The following VIPR2 variants were observed in gnomAD, a reference collection of about 807,000 sequenced individuals.
The protein encoded by VIPR2 is vasoactive intestinal polypeptide receptor 2.
A neutral mutation model predicts 58.0 loss-of-function variants in VIPR2; 48 were observed. That is an observed-to-expected ratio of 0.83 (90% CI 0.66 to 1.05). The LOEUF (loss-of-function observed/expected upper bound fraction) is 1.05, where lower values mean the gene tolerates loss of function less well. Among genes scored for constraint, VIPR2 ranks in the 50% least tolerant of loss-of-function variants. The pLI is 0.00. For missense variants in VIPR2, 534 were observed against 558.0 expected (o/e 0.96, Z 0.43); for synonymous variants, 243 against 235.2 (o/e 1.03, Z -0.30).
chr7:159,129,967 G>A (rs1284640520), intron 2 of VIPR2, among the ~76,000 whole-genome samples: 2 of 110,848 alleles, frequency 1.8e-5, no homozygotes, highest in African/African-American at 8.7e-5. Flanking sequence ...CTGGCCTCTG[G>A]CGGGGACAGG....
At chr7:159,106,669 G>C (rs1858682829) in intron 3 of VIPR2, among the ~76,000 whole-genome samples, 2 of 143,764 alleles carry the variant, frequency 1.4e-5, no homozygotes, top group African/African-American at 2.7e-5. Context: ...GGGAGGGGCA[G>C]AGAGGCCAGG....
intron 4 of VIPR2, chr7:159,059,142 A>T: frequency 2.3e-6 from 1 of 431,114 alleles, no homozygotes. Flanking sequence ...ATCTCCACGA[A>T]ATCATCAGGT....
intron 12 of VIPR2, among the ~76,000 whole-genome samples, 155 bp from the exon 13 acceptor site, chr7:159,030,944 C>T (rs1004152311): frequency 1.3e-5 from 2 of 152,218 alleles, no homozygotes; most frequent in Non-Finnish European, 2.9e-5. Flanking sequence ...GCCTTGGGGG[C>T]AGAGGCTGGA....
At chr7:159,083,512 C>T (rs1319820133) in intron 4 of VIPR2, among the ~76,000 whole-genome samples, 1 of 152,206 alleles carries the variant, frequency 6.6e-6, no homozygotes, top group African/African-American at 2.4e-5. Context: ...CCTGGAGTGA[C>T]CATAGCAGAG....
chr7:159,064,858 C>T (rs1032782122), intron 4 of VIPR2, among the ~76,000 whole-genome samples: 5 of 152,224 alleles, frequency 3.3e-5, no homozygotes, highest in Admixed American at 6.5e-5. Flanking sequence ...CCCGGGGTTC[C>T]ATGCCTGGCA....
intron 4 of VIPR2, among the ~76,000 whole-genome samples, chr7:159,092,990 C>T (rs1208313102): frequency 3.3e-5 from 5 of 152,172 alleles, no homozygotes; most frequent in African/African-American, 1.2e-4. Context: ...TGTGAGTGTG[C>T]AGCCTCTCCG....
At position 159,031,253 on chromosome 7, in the gene VIPR2, T is replaced by C. The variant is rs1853559147; in HGVS notation, c.1144-464A>G. Among the ~76,000 whole-genome samples the C allele has an allele frequency of 6.6e-6, 1 of 152,064 alleles. No homozygotes were observed. The highest frequency in any genetic ancestry group is 1.5e-5 in the Non-Finnish European group (1 of 68,002). The stretch of plus-strand genomic sequence containing the variant: ...ACAAGTGGCACTACTCGGGCTCAGC[T>C]TTGCAGAAGCCGTGCTGGTGAAAGC... On this transcript the variant is annotated intron_variant, in intron 12 of 12. Transcript: ENST00000262178. The surrounding 1 kb of genome is among the most constrained non-coding windows in gnomAD (Gnocchi z 4.0).
intron 2 of VIPR2, among the ~76,000 whole-genome samples, chr7:159,133,131 C>T (rs1325372841): frequency 6.6e-6 from 1 of 152,306 alleles, no homozygotes; most frequent in Non-Finnish European, 1.5e-5. Context: ...AACCAACTTC[C>T]TTACAAATTA....
chr7:159,144,664 CG>C, intron 1 of VIPR2, 56 bp downstream of exon 1: 1 of 1,367,792 alleles, frequency 7.3e-7, no homozygotes, highest in Non-Finnish European at 9.5e-7. Context: ...GCGCTCTTCT[CG>C]GAAGGGGAGA....
chr7:159,089,425 C>T (rs1474275336), intron 4 of VIPR2, among the ~76,000 whole-genome samples: 5 of 142,480 alleles, frequency 3.5e-5, no homozygotes, highest in Admixed American at 2.8e-4. Flanking sequence ...CCTCAGGCCT[C>T]GGCTCCTCAT....
At chr7:159,035,665 G>T in intron 8 of VIPR2, 1 of 982,164 alleles carries the variant, frequency 1.0e-6, no homozygotes, top group Non-Finnish European at 1.2e-6. Flanking sequence ...TGTGGACATC[G>T]CTGTGCCCAC....
At position 159,030,736 on chromosome 7, in the gene VIPR2, C is replaced by A. The variant is rs765103200; in HGVS notation, c.1197G>T (p.Ala399=). The change falls in exon 13 of 13, where the codon GCG becomes GCT. Residue 399 remains alanine (A), a synonymous_variant. Coordinates refer to ENST00000262178, the MANE Select transcript of VIPR2 (RefSeq NM_003382.5). ...KWRSRCPTPS[A]SRDYRVCGSS... is the part of the protein sequence containing the mutation. ...AACCGCAGACCCTGTAATCCCGGCTCGCGGACGGGGTCGGGCACCGGCTTC... is the reference window on the plus strand; with the variant it reads ...AACCGCAGACCCTGTAATCCCGGCTAGCGGACGGGGTCGGGCACCGGCTTC... The A allele has an allele frequency of 1.3e-5, 21 of 1,592,208 alleles. No homozygotes were observed. Among genetic ancestry groups the A allele is most frequent in the Non-Finnish European group, 1.7e-5 (20 of 1,171,300 alleles).
At chr7:159,076,536 G>C (rs559736311) in intron 4 of VIPR2, among the ~76,000 whole-genome samples, 1 of 152,170 alleles carries the variant, frequency 6.6e-6, no homozygotes, top group Non-Finnish European at 1.5e-5. Context: ...AGCAAGTTTT[G>C]TATTATTGTA....
At position 159,123,201 on chromosome 7, in the gene VIPR2, G is replaced by A. The variant is rs554503782; in HGVS notation, c.152-13282C>T. 2.6e-3 allele frequency among the ~76,000 whole-genome samples: 370 copies of A among 144,658 alleles called. 5 individuals carry two copies. Among genetic ancestry groups the A allele is most frequent in the Middle Eastern group, 3.7e-3 (1 of 268 alleles). The allele number at this position is 144,658 out of a possible 152,430, so 94.9% of individuals were successfully genotyped here. On this transcript the variant is annotated intron_variant, in intron 2 of 12. Coordinates refer to ENST00000262178, the MANE Select transcript of VIPR2 (RefSeq NM_003382.5). ...CCAGCTACTAGGGAGGCTGAGGCAG[G>A]AGAATCGCTTCAACCCAGGAGGCAG...
intron 2 of VIPR2, among the ~76,000 whole-genome samples, chr7:159,141,788 ATTTC>A (rs1473387351): frequency 6.6e-6 from 1 of 152,236 alleles, no homozygotes; most frequent in Non-Finnish European, 1.5e-5. Context: ...CACAGATTTA[ATTTC>A]TTTCTTGAAG....
At chr7:159,042,860 G>C (rs1854430634) in intron 6 of VIPR2, among the ~76,000 whole-genome samples, 175 bp downstream of exon 6, 1 of 152,192 alleles carries the variant, frequency 6.6e-6, no homozygotes, top group African/African-American at 2.4e-5. Flanking sequence ...CCATGTCTCA[G>C]CTGCCAACTG....
At position 159,034,244 on chromosome 7, in the gene VIPR2, C is replaced by T; in HGVS notation, c.940G>A (p.Asp314Asn). The T allele has an allele frequency of 2.5e-6, 4 of 1,614,120 alleles. No homozygotes were observed. The Admixed American group carries it at 6.7e-5, about 27-fold the overall frequency. The change falls in exon 10 of 13, where the codon GAT becomes AAT. Residue 314 changes from aspartate (D) to asparagine (N), a missense_variant. Coordinates refer to ENST00000262178, the MANE Select transcript of VIPR2 (RefSeq NM_003382.5). The stretch of plus-strand genomic sequence containing the variant: ...TGAGACTGGTCGTTGCCGCCGACAT[C>T]TGGGGATGTTAACTTCTGCAGCAAA... Reference protein sequence around the residue: ...RILLQKLTSPDVGGNDQSQYK... With the variant: ...RILLQKLTSPNVGGNDQSQYK...
At position 159,102,024 on chromosome 7, in the gene VIPR2, C is replaced by T. The variant is rs1468799146; in HGVS notation, c.357+1733G>A. Among the ~76,000 whole-genome samples, 5 of 120,714 alleles carry T rather than the reference C, an allele frequency of 4.1e-5. 1 individual carries two copies. Among genetic ancestry groups the T allele is most frequent in the East Asian group, 2.6e-4 (1 of 3,782 alleles). The allele number at this position is 120,714 out of a possible 152,430, so 79.2% of individuals were successfully genotyped here. A position where few individuals can be genotyped will look rare whatever the true frequency, so the allele number is the denominator to read the frequency against. ...CTCACGAGATCCGACGAGGCAGTTC[C>T]GACTGTTCCTGTGATAGTGAACGGG... On this transcript the variant is annotated intron_variant, in intron 4 of 12. Transcript: ENST00000262178.
intron 5 of VIPR2, among the ~76,000 whole-genome samples, chr7:159,057,816 A>G (rs1343694089): frequency 1.3e-5 from 2 of 152,150 alleles, no homozygotes; most frequent in East Asian, 3.9e-4. Context: ...CATCTGCACT[A>G]TGTCATCATT....
Sources: gnomAD v4.1 joint callset for allele counts (sites outside exome capture counted in the v4.1 genomes callset) on GRCh38, gnomAD v4.1.1 for gene constraint, Gnocchi (gnomAD v3.1) non-coding constraint, MANE v1.5 for transcripts, NCBI Gene and HGNC (gene_info 2026-07-23, HGNC 2026-07-21) for gene names.